MYO5A: variants seen among roughly 807,000 people sequenced by gnomAD.
The protein encoded by MYO5A is myosin VA.
MYO5A carries 98 observed loss-of-function variants against 249.7 expected under a neutral mutation model. The ratio of observed to expected loss-of-function variants is 0.39; its 90% CI spans 0.33 to 0.46. The LOEUF (loss-of-function observed/expected upper bound fraction) is 0.46, where lower values mean the gene tolerates loss of function less well. Among genes scored for constraint, MYO5A ranks in the 20% least tolerant of loss-of-function variants. The probability of loss-of-function intolerance (pLI) is 0.98; values close to 1 mark genes in which losing one functional copy is unlikely to be tolerated. For synonymous variants in MYO5A, 778 were observed against 810.6 expected (o/e 0.96, Z 0.68); for missense variants, 1,696 against 2,308.8 (o/e 0.73, Z 5.44).
At chr15:52,356,778 G>T (rs1286753608) in intron 25 of MYO5A, among the ~76,000 whole-genome samples, 1 of 140,036 alleles carries the variant, frequency 7.1e-6, no homozygotes, top group East Asian at 2.1e-4. Context: ...CTTCGCTGTT[G>T]ATTTAATTTG....
intron 1 of MYO5A, among the ~76,000 whole-genome samples, chr15:52,518,297 G>T (rs2077538568): frequency 6.8e-6 from 1 of 147,440 alleles, no homozygotes; most frequent in Admixed American, 6.8e-5. Flanking sequence ...GAATTATCCA[G>T]CCTACTATCA....
At position 52,398,910 on chromosome 15, in the gene MYO5A, A is replaced by G. The variant is rs866088002; in HGVS notation, c.1054-1444T>C. ...AGGCTGAGGCAAGAGAATTGCTTGAACCTGGGAGGTGGAGGTTGCAGTGAG... is the reference window on the plus strand; with the variant it reads ...AGGCTGAGGCAAGAGAATTGCTTGAGCCTGGGAGGTGGAGGTTGCAGTGAG... On this transcript the variant is annotated intron_variant, in intron 9 of 41. Transcript: ENST00000399233. Among the ~76,000 whole-genome samples, 4 of 152,026 alleles carry G rather than the reference A, an allele frequency of 2.6e-5. No homozygotes were observed. In the East Asian group the frequency reaches 7.7e-4, roughly 29 times the overall value.
At chr15:52,459,147 ATTTTTT>A (rs531798708) in intron 1 of MYO5A, among the ~76,000 whole-genome samples, 32 of 64,294 alleles carry the variant, frequency 5.0e-4, no homozygotes, top group Admixed American at 9.6e-4. Context: ...TTTTCCAGAA[ATTTTTT>A]TTTTTTTTTT....
intron 1 of MYO5A, among the ~76,000 whole-genome samples, chr15:52,444,573 T>C (rs2075850051): frequency 6.6e-6 from 1 of 152,124 alleles, no homozygotes; most frequent in African/African-American, 2.4e-5. Context: ...ATCTCTGATT[T>C]CAAAATGATT....
chr15:52,363,171 A>T (rs919582953), intron 24 of MYO5A, among the ~76,000 whole-genome samples: 1 of 152,252 alleles, frequency 6.6e-6, no homozygotes, highest in Admixed American at 6.5e-5. Flanking sequence ...TAATAAATAG[A>T]GTGAACAAAA....
rs141983702 is a variant in MYO5A, at chr15:52,379,553, G to T, written c.2208+72C>A. ...TGGACTAGTAAAATGTTATACAAAA[G>T]TTCCCGGGGCTTTCCAAGGTCAGAA... is the stretch of plus-strand genomic sequence containing the variant. On this transcript the variant is annotated intron_variant, in intron 18 of 41. Coordinates refer to ENST00000399233, the MANE Select transcript of MYO5A (RefSeq NM_001382347.1). 1.2e-3 allele frequency: 1,578 copies of T among 1,366,828 alleles called. 13 individuals are homozygous for T. In the African/African-American group the frequency reaches 0.019, roughly 17 times the overall value. 84.7% of individuals were successfully genotyped at this position (1,366,828 alleles called of 1,614,324 possible).
intron 24 of MYO5A, among the ~76,000 whole-genome samples, chr15:52,361,763 G>GGATTTTGTTCCCCCGTTTATAC (rs374317236): frequency 2.1e-4 from 32 of 152,216 alleles, no homozygotes; most frequent in African/African-American, 7.2e-4. Context: ...TCTGTTTTTA[G>GGATTTTGTTCCCCCGTTTATAC]GATTTTGTTC....
chr15:52,416,355 T>C (rs1444807876), intron 4 of MYO5A, 54 bp from the exon 5 acceptor site: 3 of 1,564,814 alleles, frequency 1.9e-6, no homozygotes, highest in South Asian at 2.3e-5. Context: ...TATAGCAGGA[T>C]TGATAAGGGA....
In MYO5A at chr15:52,330,634, T is replaced by TAA. The variant is rs1218740695; in HGVS notation, c.4409-137_4409-136dup. The TAA allele has an allele frequency of 1.7e-4, 169 of 1,023,716 alleles. 4 individuals are homozygous for TAA. The South Asian group carries it at 2.1e-3, about 13-fold the overall frequency. The allele number at this position is 1,023,716 out of a possible 1,614,324, so 63.4% of individuals were successfully genotyped here. On this transcript the variant is annotated intron_variant, in intron 34 of 41. Coordinates refer to ENST00000399233, the MANE Select transcript of MYO5A (RefSeq NM_001382347.1). The stretch of plus-strand genomic sequence containing the variant: ...TATTTGCCACTTAATTGCCTTCTCT[T>TAA]AAAATAATTTTTTTCTGTTAAAATT...
Position 52,503,856 on chromosome 15 carries a change from G to T in MYO5A, c.27+24924C>A, listed in dbSNP as rs559174967. Among the ~76,000 whole-genome samples, 6 of 152,110 alleles carry T rather than the reference G, an allele frequency of 3.9e-5. No homozygotes were observed. The South Asian group carries it at 1.2e-3, about 32-fold the overall frequency. On this transcript the variant is annotated intron_variant, in intron 1 of 41. Coordinates refer to ENST00000399233, the MANE Select transcript of MYO5A (RefSeq NM_001382347.1). ...TCTACTTTAACTTTCCATACCAAAT[G>T]AACAAATTTACCAAACATTTTACCA...
chr15:52,393,097 C>T (rs1489092325), intron 11 of MYO5A, among the ~76,000 whole-genome samples: 1 of 152,214 alleles, frequency 6.6e-6, no homozygotes, highest in Non-Finnish European at 1.5e-5. Context: ...GCTGACACCA[C>T]CACTTCTAGT....
intron 5 of MYO5A, among the ~76,000 whole-genome samples, chr15:52,413,419 C>T (rs529110500): frequency 2.0e-5 from 3 of 152,170 alleles, no homozygotes; most frequent in African/African-American, 7.2e-5. Flanking sequence ...ACATCATTCA[C>T]ATTTTGCAAA....
chr15:52,360,658 G>C (rs1424624383), intron 24 of MYO5A, among the ~76,000 whole-genome samples: 1 of 152,134 alleles, frequency 6.6e-6, no homozygotes, highest in Admixed American at 6.5e-5. Flanking sequence ...AGCTGCTCTA[G>C]TAATCCTCTG....
At chr15:52,511,946 GA>G (rs1424050132) in intron 1 of MYO5A, among the ~76,000 whole-genome samples, 3 of 152,114 alleles carry the variant, frequency 2.0e-5, no homozygotes, top group Admixed American at 6.6e-5. Context: ...GGCAGATCAT[GA>G]GGTCAGGAGA....
In MYO5A at chr15:52,379,911, A is replaced by G. The variant is rs761270297; in HGVS notation, c.2013-3T>C. 6 of 1,613,838 alleles carry G rather than the reference A, an allele frequency of 3.7e-6. No homozygotes were observed. In the East Asian group the frequency reaches 1.3e-4, roughly 36 times the overall value. On this transcript the variant is annotated splice_region_variant and splice_polypyrimidine_tract_variant and intron_variant, in intron 16 of 41. Coordinates refer to ENST00000399233, the MANE Select transcript of MYO5A (RefSeq NM_001382347.1). ...GCACTGCCCTCTTCTCATCAAACCT[A>G]CAAATAAAAATCAAAGCTGTTAGTC...
At chr15:52,524,666 C>T (rs909983025) in intron 1 of MYO5A, among the ~76,000 whole-genome samples, 1 of 150,858 alleles carries the variant, frequency 6.6e-6, no homozygotes, top group African/African-American at 2.4e-5. Context: ...TCACTTGAGT[C>T]CAGGAGTTTA....
At chr15:52,314,239 TTA>T in intron 40 of MYO5A, 36 bp from the exon 41 acceptor site, 1 of 1,445,938 alleles carries the variant, frequency 6.9e-7, no homozygotes, top group Non-Finnish European at 9.7e-7. Flanking sequence ...TTTTGGCATA[TTA>T]TCAAATACAC....
chr15:52,347,199 C>T (rs1017678504), intron 29 of MYO5A, among the ~76,000 whole-genome samples: 14 of 152,116 alleles, frequency 9.2e-5, no homozygotes, highest in African/African-American at 3.4e-4. Context: ...TCAAAATCTT[C>T]TCCTATTCAG....
intron 13 of MYO5A, among the ~76,000 whole-genome samples, chr15:52,388,924 TG>T (rs1262122570): frequency 6.6e-6 from 1 of 152,026 alleles, no homozygotes; most frequent in Non-Finnish European, 1.5e-5. Context: ...CCAGCCTAAC[TG>T]GGATAAAGAC....
Sources: gnomAD v4.1 joint callset for allele counts (sites outside exome capture counted in the v4.1 genomes callset) on GRCh38, gnomAD v4.1.1 for gene constraint, MANE v1.5 for transcripts, NCBI Gene and HGNC (gene_info 2026-07-23, HGNC 2026-07-21) for gene names.